The following KDM1A variants were observed in gnomAD, a reference collection of about 807,000 sequenced individuals.
The protein encoded by KDM1A is lysine-specific histone demethylase 1A.
A neutral mutation model predicts 109.4 loss-of-function variants in KDM1A; 49 were observed. That is an observed-to-expected ratio of 0.45 (90% CI 0.36 to 0.57). KDM1A has a LOEUF of 0.57. Among genes scored for constraint, KDM1A ranks in the 20% least tolerant of loss-of-function variants. The probability of loss-of-function intolerance (pLI) is 0.00; values close to 1 mark genes in which losing one functional copy is unlikely to be tolerated. For missense variants in KDM1A, 668 were observed against 1,116.6 expected, an observed-to-expected ratio of 0.60 and a Z score of 5.73; for synonymous variants, 380 against 415.4, an observed-to-expected ratio of 0.91 and a Z score of 1.04.
intron 19 of KDM1A, 181 bp from the exon 20 acceptor site, chr1:23,082,039 T>G (rs1175826462): frequency 2.6e-5 from 15 of 576,568 alleles, no homozygotes; most frequent in Non-Finnish European, 3.9e-5. Context: ...ATCCTTCCTG[T>G]CTGAAGTCCT....
chr1:23,068,667 G>A lies in KDM1A; in HGVS notation c.1308G>A (p.Leu436=). 6.4e-7 allele frequency: 1 copy of A among 1,561,270 alleles called. No homozygotes were observed. The highest frequency in any genetic ancestry group is 1.2e-5 in the South Asian group (1 of 80,598). The change falls in exon 11 of 21, where the codon TTG becomes TTA. Residue 436 remains leucine (L), a synonymous_variant. Coordinates refer to ENST00000400181, the MANE Select transcript of KDM1A (RefSeq NM_001009999.3). ...NNKPVSLGQA[L]EVVIQLQEKH... ...AGCCTGTGTCCCTTGGCCAGGCATT[G>A]GAAGTTGTCATTCAGTAAGTACTTT...
At chr1:23,058,961 A>G in intron 8 of KDM1A, 112 bp from the exon 9 acceptor site, 1 of 572,480 alleles carries the variant, frequency 1.7e-6, no homozygotes, top group Admixed American at 3.9e-5. Flanking sequence ...AAATAATTAC[A>G]TACTGTAAGC....
At chr1:23,044,339 A>C in intron 2 of KDM1A, 88 bp from the exon 3 acceptor site, 8 of 1,214,678 alleles carry the variant, frequency 6.6e-6, no homozygotes, top group Non-Finnish European at 9.5e-6. Context: ...TGGTGAATTC[A>C]TGAGTCGCCA....
At chr1:23,065,984 A>G (rs932416929) in intron 9 of KDM1A, 76 bp from the exon 10 acceptor site, 2 of 1,583,680 alleles carry the variant, frequency 1.3e-6, no homozygotes, top group South Asian at 1.2e-5. Context: ...TATTGCTGTC[A>G]TACAAAACTA....
chr1:23,043,041 A>AC (rs1642399510), intron 2 of KDM1A, among the ~76,000 whole-genome samples: 1 of 152,116 alleles, frequency 6.6e-6, no homozygotes, highest in African/African-American at 2.4e-5. Context: ...GAGCCACTGC[A>AC]CCCGGCTCTA....
chr1:23,019,758 G>A lies in KDM1A; in HGVS notation c.162G>A (p.Ala54=). ...GCCCAGCCGAGGTCGGGCCGGGGGC[G>A]GTGGGGGAGCGCACACCCCGCAAGA... The part of the protein sequence containing the change: ...LSGPAEVGPG[A]VGERTPRKKE... Residue 54 remains alanine (A), a synonymous_variant, in exon 1 of 21, where the codon GCG becomes GCA. Coordinates refer to ENST00000400181, the MANE Select transcript of KDM1A (RefSeq NM_001009999.3). 3.0e-6 allele frequency: 4 copies of A among 1,346,456 alleles called. No individual in the cohort carries two copies. Among genetic ancestry groups the A allele is most frequent in the Non-Finnish European group, 3.8e-6 (4 of 1,046,934 alleles). The allele number at this position is 1,346,456 out of a possible 1,614,324, so 83.4% of individuals were successfully genotyped here. A position where few individuals can be genotyped will look rare whatever the true frequency, so the allele number is the denominator to read the frequency against.
chr1:23,039,458 A>G (rs1642242556), intron 2 of KDM1A, among the ~76,000 whole-genome samples: 4 of 152,186 alleles, frequency 2.6e-5, no homozygotes, highest in Admixed American at 1.3e-4. Context: ...ATCTCGTACA[A>G]AGTGGCCAGA....
In KDM1A at chr1:23,083,631, G is replaced by A. The variant is rs1643686578; in HGVS notation, c.*267G>A. 6.6e-6 allele frequency: 2 copies of A among 303,838 alleles called. No individual in the cohort carries two copies. Among genetic ancestry groups the A allele is most frequent in the South Asian group, 2.9e-4 (2 of 6,822 alleles). 18.8% of individuals were successfully genotyped at this position (303,838 alleles called of 1,614,324 possible). A position where few individuals can be genotyped will look rare whatever the true frequency, so the allele number is the denominator to read the frequency against. On this transcript the variant is annotated 3_prime_UTR_variant, in exon 21 of 21. Coordinates refer to ENST00000400181, the MANE Select transcript of KDM1A (RefSeq NM_001009999.3). ...TGAAATAACATCATCTTAGTCCCTTGGTGTGTGGGGTTTTTGTTTTTTTTT... is the reference window on the plus strand; with the variant it reads ...TGAAATAACATCATCTTAGTCCCTTAGTGTGTGGGGTTTTTGTTTTTTTTT...
chr1:23,019,563 GC>G lies in KDM1A; in HGVS notation c.-30del, dbSNP rs768901146. ...GACCCACGGAGCGACAGAGCGAGCG[GC>G]CCCTACGGCCGTCGGCGGCCCGGCG... is the stretch of plus-strand genomic sequence containing the variant. On this transcript the variant is annotated 5_prime_UTR_variant, in exon 1 of 21. Coordinates refer to ENST00000400181, the MANE Select transcript of KDM1A (RefSeq NM_001009999.3). 8 of 1,385,910 alleles carry G rather than the reference GC, an allele frequency of 5.8e-6. No homozygotes were observed. Among genetic ancestry groups the G allele is most frequent in the Non-Finnish European group, 7.4e-6 (8 of 1,075,060 alleles). The allele number at this position is 1,385,910 out of a possible 1,614,324, so 85.9% of individuals were successfully genotyped here.
At position 23,065,709 on chromosome 1, in the gene KDM1A, T is replaced by C. The variant is rs552134209; in HGVS notation, c.1168-351T>C. Among the ~76,000 whole-genome samples, 29 of 152,318 alleles carry C rather than the reference T, an allele frequency of 1.9e-4. 1 individual carries two copies. In the East Asian group the frequency reaches 5.6e-3, roughly 29 times the overall value. ...GCAATCTTTTGGTTTGGTTTTTGTT[T>C]GTTTGATTTTGTTGTTGTTGTTGTT... is the stretch of plus-strand genomic sequence containing the variant. On this transcript the variant is annotated intron_variant, in intron 9 of 20. Transcript: ENST00000400181.
chr1:23,049,436 T>G (rs913699475), intron 3 of KDM1A, among the ~76,000 whole-genome samples: 3 of 151,836 alleles, frequency 2.0e-5, no homozygotes, highest in Non-Finnish European at 2.9e-5. Flanking sequence ...AAATAACATG[T>G]TTTTTGGGAG....
At chr1:23,039,539 A>G (rs1398523710) in intron 2 of KDM1A, among the ~76,000 whole-genome samples, 1 of 152,102 alleles carries the variant, frequency 6.6e-6, no homozygotes, top group Admixed American at 6.6e-5. Context: ...CTTCATTACT[A>G]CTAAAATCAC....
Position 23,069,798 on chromosome 1 carries a change from T to C in KDM1A, c.1413+647T>C, listed in dbSNP as rs564533720. On this transcript the variant is annotated intron_variant, in intron 12 of 20. Transcript: ENST00000400181. ...GGGCTGAACCGTTAGGGCTCTTCTC[T>C]GCCACCGCCTTCCAGAGCCCCAGGC... 7.2e-5 allele frequency among the ~76,000 whole-genome samples: 11 copies of C among 152,356 alleles called. No homozygotes were observed. The East Asian group carries it at 2.1e-3, about 29-fold the overall frequency.
chr1:23,073,695 G>A (rs1295637836), intron 15 of KDM1A, among the ~76,000 whole-genome samples: 3 of 152,114 alleles, frequency 2.0e-5, no homozygotes, highest in Non-Finnish European at 2.9e-5. Context: ...ACTGATTTGC[G>A]TTATCACTGT....
At chr1:23,034,758 A>G (rs1426186916) in intron 2 of KDM1A, among the ~76,000 whole-genome samples, 2 of 152,210 alleles carry the variant, frequency 1.3e-5, no homozygotes, top group Admixed American at 6.5e-5. Flanking sequence ...TCTGAGTTAG[A>G]AGTAGCTTAG....
intron 16 of KDM1A, 25 bp downstream of exon 16, chr1:23,077,385 A>G: frequency 6.2e-7 from 1 of 1,600,992 alleles, no homozygotes; most frequent in South Asian, 1.1e-5. Context: ...TACAAAAGGT[A>G]AGAGAGAACT....
At chr1:23,056,979 C>T (rs761409616) in intron 7 of KDM1A, among the ~76,000 whole-genome samples, 3 of 151,894 alleles carry the variant, frequency 2.0e-5, no homozygotes, top group Non-Finnish European at 4.4e-5. Flanking sequence ...ACTCTCTGCC[C>T]CTGGGCATGG....
chr1:23,077,643 A>G (rs1189940586), intron 16 of KDM1A, among the ~76,000 whole-genome samples: 1 of 152,154 alleles, frequency 6.6e-6, no homozygotes, highest in African/African-American at 2.4e-5. Flanking sequence ...GAAATCTCTA[A>G]TGCCCCAGTG....
intron 9 of KDM1A, among the ~76,000 whole-genome samples, chr1:23,065,717 T>TTTG (rs542649884): frequency 1.1e-3 from 173 of 152,054 alleles, no homozygotes; most frequent in Middle Eastern, 3.4e-3. Flanking sequence ...TTTGTTTGAT[T>TTTG]TTGTTGTTGT....
Sources: gnomAD v4.1 joint callset for allele counts (sites outside exome capture counted in the v4.1 genomes callset) on GRCh38, gnomAD v4.1.1 for gene constraint, MANE v1.5 for transcripts, NCBI Gene and HGNC (gene_info 2026-07-23, HGNC 2026-07-21) for gene names.